Variants in PDS5B observed in about 807,000 individuals in gnomAD.
PDS5B encodes PDS5 cohesin associated factor B, also known as sister chromatid cohesion protein PDS5 homolog B.
A neutral mutation model predicts 184.1 loss-of-function variants in PDS5B; 51 were observed. That is an observed-to-expected ratio of 0.28 (90% CI 0.22 to 0.35). The LOEUF is 0.35. Ranked by LOEUF, PDS5B falls within the 10% of genes least tolerant of loss-of-function variation. The pLI is 1.00. For synonymous variants in PDS5B, 566 were observed against 569.2 expected (o/e 0.99, Z 0.08); for missense variants, 1,180 against 1,723.3 (o/e 0.68, Z 5.58).
rs1476334135 is a variant in PDS5B, at chr13:32,712,047, CCATTA to C, written c.2123+1944_2123+1948del. 2.0e-5 allele frequency among the ~76,000 whole-genome samples: 3 copies of C among 152,142 alleles called. No individual in the cohort carries two copies. In the East Asian group the frequency reaches 5.8e-4, roughly 29 times the overall value. On this transcript the variant is annotated intron_variant, in intron 19 of 34. Transcript: ENST00000315596. ...GGCTCCAGTGCCTATGGTGCGATAT[CCATTA>C]CAGCAGTTTCTTTTCTAATTAGAGC...
Position 32,721,857 on chromosome 13 carries a change from C to A in PDS5B, c.2124-10244C>A, listed in dbSNP as rs1256194886. ...ACGGGATGACGGCTGGGAAGAGGCG[C>A]TCCTCACTTCCCAGACTGGGTGGCC... On this transcript the variant is annotated intron_variant, in intron 19 of 34. Coordinates refer to ENST00000315596, the MANE Select transcript of PDS5B (RefSeq NM_015032.4). Among the ~76,000 whole-genome samples, 3 of 150,934 alleles carry A rather than the reference C, an allele frequency of 2.0e-5. No individual in the cohort carries two copies. In the East Asian group the frequency reaches 5.9e-4, roughly 30 times the overall value.
intron 33 of PDS5B, among the ~76,000 whole-genome samples, chr13:32,772,521 A>C (rs1954824524): frequency 6.6e-6 from 1 of 152,182 alleles, no homozygotes; most frequent in South Asian, 2.1e-4. Flanking sequence ...CTGAAGTGAA[A>C]AATAACTTGG....
intron 24 of PDS5B, among the ~76,000 whole-genome samples, chr13:32,751,669 C>T (rs1953985858): frequency 6.6e-6 from 1 of 152,124 alleles, no homozygotes; most frequent in Non-Finnish European, 1.5e-5. Context: ...TGAAAAGTGT[C>T]TATGTCCTTT....
chr13:32,689,646 A>G (rs979914812), intron 13 of PDS5B: 5 of 152,332 alleles, frequency 3.3e-5, no homozygotes, highest in Non-Finnish European at 7.4e-5. Flanking sequence ...CACACAAGGA[A>G]TAAGAGGGAG....
chr13:32,720,444 G>C (rs1338067295), intron 19 of PDS5B, among the ~76,000 whole-genome samples: 1 of 152,024 alleles, frequency 6.6e-6, no homozygotes, highest in Non-Finnish European at 1.5e-5. Context: ...CACATAATCT[G>C]TCATATAGTT....
chr13:32,628,651 ATGTT>A (rs762122141), intron 1 of PDS5B, among the ~76,000 whole-genome samples: 1 of 151,404 alleles, frequency 6.6e-6, no homozygotes, highest in Non-Finnish European at 1.5e-5. Flanking sequence ...TTTTTGGTGT[ATGTT>A]ATATTTGGTG....
chr13:32,763,926 G>A (rs1431449109), intron 30 of PDS5B, among the ~76,000 whole-genome samples: 2 of 152,154 alleles, frequency 1.3e-5, no homozygotes, highest in African/African-American at 4.8e-5. Context: ...TTAAAAACTA[G>A]ATAAAGGTGA....
chr13:32,590,529 G>A (rs902490265), intron 1 of PDS5B, among the ~76,000 whole-genome samples: 3 of 152,086 alleles, frequency 2.0e-5, no homozygotes, highest in Non-Finnish European at 2.9e-5. Context: ...CTTTTTATGT[G>A]GGAGAGTGAA....
At chr13:32,680,272 G>C (rs1478999523) in intron 10 of PDS5B, among the ~76,000 whole-genome samples, 1 of 152,130 alleles carries the variant, frequency 6.6e-6, no homozygotes, top group East Asian at 1.9e-4. Flanking sequence ...TCATGATTAA[G>C]AGTGGGGGGC....
chr13:32,614,956 A>C (rs533790213), intron 1 of PDS5B, among the ~76,000 whole-genome samples: 2 of 152,254 alleles, frequency 1.3e-5, no homozygotes, highest in East Asian at 3.9e-4. Context: ...CCCTTTTGTA[A>C]CTTTTTCTTG....
At chr13:32,694,397 G>C in intron 14 of PDS5B, 93 bp downstream of exon 14, 1 of 794,632 alleles carries the variant, frequency 1.3e-6, no homozygotes, top group Admixed American at 2.5e-5. Context: ...AATTCTTTCT[G>C]TTTGCAAAAG....
At chr13:32,770,929 C>T in intron 33 of PDS5B, 168 bp downstream of exon 33, 1 of 604,410 alleles carries the variant, frequency 1.7e-6, no homozygotes, top group Non-Finnish European at 3.0e-6. Flanking sequence ...TCTCAATAAA[C>T]TATCTTGTAC....
intron 21 of PDS5B, among the ~76,000 whole-genome samples, chr13:32,738,329 T>C (rs1049733696): frequency 3.3e-5 from 5 of 152,218 alleles, no homozygotes; most frequent in African/African-American, 7.2e-5. Flanking sequence ...CTTATTTTTC[T>C]ATTAAGAAAT....
At chr13:32,761,509 C>G (rs527461892) in intron 30 of PDS5B, among the ~76,000 whole-genome samples, 1 of 152,198 alleles carries the variant, frequency 6.6e-6, no homozygotes, top group African/African-American at 2.4e-5. Context: ...TCTGTTGTTT[C>G]CATGTGTATA....
At chr13:32,615,823 C>G (rs575956143) in intron 1 of PDS5B, among the ~76,000 whole-genome samples, 1 of 152,216 alleles carries the variant, frequency 6.6e-6, no homozygotes, top group Admixed American at 6.5e-5. Context: ...TATATAGTCC[C>G]TGGCAATAGG....
intron 31 of PDS5B, 140 bp from the exon 32 acceptor site, chr13:32,769,981 A>G (rs1954722338): frequency 3.4e-6 from 2 of 591,706 alleles, no homozygotes; most frequent in East Asian, 6.3e-5. Flanking sequence ...AAATAAATAC[A>G]GTTCTGGTGT....
At chr13:32,651,265 A>G (rs1566285180) in intron 2 of PDS5B, among the ~76,000 whole-genome samples, 1 of 152,192 alleles carries the variant, frequency 6.6e-6, no homozygotes, top group East Asian at 1.9e-4. Flanking sequence ...ATGCCGTGGT[A>G]GATACTTCAT....
chr13:32,633,605 G>A (rs567591517), intron 1 of PDS5B, among the ~76,000 whole-genome samples: 87 of 152,238 alleles, frequency 5.7e-4, no homozygotes, highest in African/African-American at 2.0e-3. Flanking sequence ...AAGTGTTTAT[G>A]TACTATAATG....
chr13:32,620,546 A>G (rs1486702796), intron 1 of PDS5B, among the ~76,000 whole-genome samples: 1 of 151,966 alleles, frequency 6.6e-6, no homozygotes, highest in Non-Finnish European at 1.5e-5. Flanking sequence ...CCCAGCAGCT[A>G]CTTGGCAGGC....
Sources: allele counts gnomAD v4.1 joint callset (sites outside exome capture counted in the v4.1 genomes callset), GRCh38; gene constraint gnomAD v4.1.1; transcripts MANE v1.5; gene names NCBI Gene and HGNC (gene_info 2026-07-23, HGNC 2026-07-21).